SEMA3D: variants seen among roughly 807,000 people sequenced by gnomAD.
SEMA3D encodes the protein semaphorin-3D.
SEMA3D carries 84 observed loss-of-function variants against 100.1 expected under a neutral mutation model. The observed-to-expected ratio is 0.84, with a 90% CI of 0.70 to 1.01. SEMA3D has a LOEUF of 1.01. Ranked by LOEUF, SEMA3D falls within the 50% of genes least tolerant of loss-of-function variation. The pLI is 0.00. For synonymous variants in SEMA3D, 312 were observed against 320.7 expected, an observed-to-expected ratio of 0.97 and a Z score of 0.29; for missense variants, 875 against 934.1, an observed-to-expected ratio of 0.94 and a Z score of 0.82.
chr7:85,001,579 T>C (rs1250618091), intron 18 of SEMA3D, among the ~76,000 whole-genome samples: 1 of 152,154 alleles, frequency 6.6e-6, no homozygotes, highest in Non-Finnish European at 1.5e-5. Flanking sequence ...TAAAATTTAA[T>C]ACACTTTAGG....
intron 4 of SEMA3D, among the ~76,000 whole-genome samples, chr7:85,097,402 CTTAT>C (rs1166252586): frequency 1.3e-5 from 2 of 151,686 alleles, no homozygotes; most frequent in African/African-American, 4.8e-5. Context: ...TGAAAGTATG[CTTAT>C]TTGTGAACTG....
chr7:85,202,052 A>AT, the SEMA3D span, among the ~76,000 whole-genome samples: 5 of 151,076 alleles, frequency 3.3e-5, no homozygotes, highest in East Asian at 3.9e-4. Context: ...TTATTTATTT[A>AT]TTATTATTAT....
rs1263924833 is a variant in SEMA3D at position 84,995,767 on chromosome 7, C to CATCT, written c.*3669_*3672dup. ...ACACATTTTGCCCTTTCCCAAAAATCATCTATCTCAAACCCTTTCCATAAA... is the reference window on the plus strand; with the variant it reads ...ACACATTTTGCCCTTTCCCAAAAATCATCTATCTATCTCAAACCCTTTCCATAAA... On this transcript the variant is annotated 3_prime_UTR_variant, in exon 19 of 19. Coordinates refer to ENST00000284136, the MANE Select transcript of SEMA3D (RefSeq NM_001384900.1). 1 of 151,938 alleles carries CATCT rather than the reference C, an allele frequency of 6.6e-6. No homozygotes were observed. The highest frequency in any genetic ancestry group is 1.5e-5 in the Non-Finnish European group (1 of 67,880). The allele number at this position is 151,938 out of a possible 1,614,324, so 9.4% of individuals were successfully genotyped here. A position where few individuals can be genotyped will look rare whatever the true frequency, so the allele number is the denominator to read the frequency against.
chr7:85,027,001 A>G (rs1396536274), intron 12 of SEMA3D, among the ~76,000 whole-genome samples: 3 of 152,088 alleles, frequency 2.0e-5, no homozygotes, highest in Non-Finnish European at 4.4e-5. Context: ...CTTCAAGTCC[A>G]CTATGGAAAC....
chr7:85,092,270 C>T, intron 4 of SEMA3D, among the ~76,000 whole-genome samples: 1 of 151,918 alleles, frequency 6.6e-6, no homozygotes, highest in East Asian at 1.9e-4. Context: ...TCTAACTTTC[C>T]TTGTAACTGT....
chr7:85,048,122 A>C (rs1211206945), intron 9 of SEMA3D, among the ~76,000 whole-genome samples: 1 of 151,844 alleles, frequency 6.6e-6, no homozygotes, highest in African/African-American at 2.4e-5. Flanking sequence ...GGCCATTTTT[A>C]CAAATTCAAC....
rs1260041251 is a variant in SEMA3D, at chr7:85,007,830, G to T, written c.1769-889C>A. ...CACTATAGACATCAACTAGAGTAAG[G>T]TTTAAGGGACCAAGTGAATCCTAAA... is the stretch of plus-strand genomic sequence containing the variant. On this transcript the variant is annotated intron_variant, in intron 17 of 18. Coordinates refer to ENST00000284136, the MANE Select transcript of SEMA3D (RefSeq NM_001384900.1). Among the ~76,000 whole-genome samples, 3 of 151,754 alleles carry T rather than the reference G, an allele frequency of 2.0e-5. No individual in the cohort carries two copies. The East Asian group carries it at 5.8e-4, about 29-fold the overall frequency.
the SEMA3D span, among the ~76,000 whole-genome samples, chr7:85,240,231 A>C: frequency 6.6e-6 from 1 of 151,816 alleles, no homozygotes; most frequent in Non-Finnish European, 1.5e-5. Context: ...TGTCAAGTGC[A>C]TTTTCTGCAT....
At chr7:85,165,841 C>T (rs1790889316) in intron 1 of SEMA3D, among the ~76,000 whole-genome samples, 1 of 152,010 alleles carries the variant, frequency 6.6e-6, no homozygotes, top group Admixed American at 6.6e-5. Context: ...AGCAATCACG[C>T]ATCTCAAACA....
chr7:85,109,271 C>G (rs1279568265), intron 3 of SEMA3D, among the ~76,000 whole-genome samples: 1 of 151,976 alleles, frequency 6.6e-6, no homozygotes, highest in East Asian at 1.9e-4. Flanking sequence ...ATAGACTGTT[C>G]ATGTGACAGA....
intron 2 of SEMA3D, chr7:85,140,324 G>A: frequency 1.0e-6 from 1 of 982,120 alleles, no homozygotes; most frequent in Non-Finnish European, 1.2e-6. Context: ...AAAATGCACG[G>A]CATTAGAAAT....
chr7:85,101,798 G>C (rs1301417853), intron 3 of SEMA3D, among the ~76,000 whole-genome samples: 1 of 151,934 alleles, frequency 6.6e-6, no homozygotes, highest in Non-Finnish European at 1.5e-5. Flanking sequence ...TTGGTAGATA[G>C]GAAAAGTCAA....
intron 8 of SEMA3D, among the ~76,000 whole-genome samples, chr7:85,060,099 A>T (rs1791431923): frequency 6.6e-6 from 1 of 152,186 alleles, no homozygotes; most frequent in African/African-American, 2.4e-5. Flanking sequence ...TATTCTGTTT[A>T]TTCAGTCATT....
intron 17 of SEMA3D, among the ~76,000 whole-genome samples, chr7:85,011,990 G>A (rs555810990): frequency 6.6e-6 from 1 of 151,304 alleles, no homozygotes; most frequent in Non-Finnish European, 1.5e-5. Context: ...ATATATTTTC[G>A]ATCTTAAGGC....
intron 18 of SEMA3D, 29 bp from the exon 19 acceptor site, chr7:84,999,894 A>C: frequency 1.9e-6 from 3 of 1,587,102 alleles, no homozygotes; most frequent in Non-Finnish European, 2.6e-6. Context: ...GTAGGTAATA[A>C]ATTAAACACA....
chr7:85,178,281 C>T (rs2732762), intron 1 of SEMA3D, among the ~76,000 whole-genome samples: 27,857 of 152,050 alleles, frequency 0.18, 2,753 homozygotes, highest in Non-Finnish European at 0.23. Context: ...AATGTGGAAG[C>T]GACTTTGGAA....
chr7:85,152,079 A>G (rs1298777877), intron 2 of SEMA3D, among the ~76,000 whole-genome samples: 2 of 151,978 alleles, frequency 1.3e-5, no homozygotes, highest in African/African-American at 4.8e-5. Context: ...TTAACCATTT[A>G]TCTCTTCCTT....
intron 1 of SEMA3D, among the ~76,000 whole-genome samples, chr7:85,157,301 T>C (rs991461820): frequency 6.6e-6 from 1 of 152,200 alleles, no homozygotes; most frequent in African/African-American, 2.4e-5. Context: ...GTTAAAATAT[T>C]AGCATAGTAT....
chr7:85,131,679 G>A (rs983931510), intron 2 of SEMA3D, among the ~76,000 whole-genome samples: 13 of 151,846 alleles, frequency 8.6e-5, no homozygotes, highest in Non-Finnish European at 1.8e-4. Flanking sequence ...CGAAGATATA[G>A]TACATTCAAT....
Sources: allele counts gnomAD v4.1 joint callset (sites outside exome capture counted in the v4.1 genomes callset), GRCh38; gene constraint gnomAD v4.1.1; transcripts MANE v1.5; gene names NCBI Gene and HGNC (gene_info 2026-07-23, HGNC 2026-07-21).